MATN2: variants seen among roughly 807,000 people sequenced by gnomAD.
The protein encoded by MATN2 is matrilin 2, also known as matrilin-2.
MATN2 carries 69 observed loss-of-function variants against 103.2 expected under a neutral mutation model. That is an observed-to-expected ratio of 0.67 (90% CI 0.55 to 0.82). The LOEUF is 0.82. MATN2 is among the 40% of genes least tolerant of loss of function. The pLI is 0.00. For missense variants in MATN2, 1,023 were observed against 1,211.5 expected (o/e 0.84, Z 2.31); for synonymous variants, 429 against 450.2 (o/e 0.95, Z 0.60).
At chr8:97,878,109 G>A (rs1242436730) in intron 1 of MATN2, among the ~76,000 whole-genome samples, 1 of 152,018 alleles carries the variant, frequency 6.6e-6, no homozygotes, top group Non-Finnish European at 1.5e-5. Flanking sequence ...AATGAAAAAA[G>A]CAGTTTTTTC....
chr8:98,001,602 T>C (rs1193360947), intron 7 of MATN2, among the ~76,000 whole-genome samples: 1 of 151,974 alleles, frequency 6.6e-6, no homozygotes, highest in Admixed American at 6.6e-5. Context: ...GTAGCTGGGA[T>C]TGCAGACGCA....
chr8:98,010,248 G>A (rs1159987022), intron 10 of MATN2, among the ~76,000 whole-genome samples: 1 of 151,972 alleles, frequency 6.6e-6, no homozygotes, highest in Admixed American at 6.6e-5. Flanking sequence ...CACCTGATAG[G>A]CTCTCCTCTC....
chr8:97,881,693 T>G (rs903474923), intron 1 of MATN2, among the ~76,000 whole-genome samples: 4 of 152,194 alleles, frequency 2.6e-5, no homozygotes, highest in African/African-American at 9.7e-5. Context: ...CATTCCATTT[T>G]CCAGTTAGAA....
At position 97,916,139 on chromosome 8, in the gene MATN2, G is replaced by A. The variant is rs187293168; in HGVS notation, c.143-14814G>A. Among the ~76,000 whole-genome samples, 390 of 151,384 alleles carry A rather than the reference G, an allele frequency of 2.6e-3. 2 individuals are homozygous for A. The highest frequency in any genetic ancestry group is 8.6e-3 in the Admixed American group (131 of 15,164). The stretch of plus-strand genomic sequence containing the variant: ...GGCTGGAGTGTAGTGGCGCAATCTC[G>A]GCTCACTGCAACCTCCACCTCCTGG... On this transcript the variant is annotated intron_variant, in intron 2 of 18. Coordinates refer to ENST00000254898, the MANE Select transcript of MATN2 (RefSeq NM_002380.5).
chr8:97,880,083 CTTTTTT>C (rs5893432), intron 1 of MATN2, among the ~76,000 whole-genome samples: 1 of 108,668 alleles, frequency 9.2e-6, no homozygotes. Flanking sequence ...ATCTTTCTTT[CTTTTTT>C]TTTTTTTTTT....
At chr8:97,882,732 G>C (rs950458920) in intron 1 of MATN2, among the ~76,000 whole-genome samples, 1 of 152,004 alleles carries the variant, frequency 6.6e-6, no homozygotes, top group Non-Finnish European at 1.5e-5. Context: ...CCAACACTTG[G>C]TTACGTCAGT....
chr8:98,027,426 A>T lies in MATN2; in HGVS notation c.1953A>T (p.Glu651Asp). 1.2e-6 allele frequency: 2 copies of T among 1,602,988 alleles called. No individual in the cohort carries two copies. Among genetic ancestry groups the T allele is most frequent in the Non-Finnish European group, 1.7e-6 (2 of 1,171,260 alleles). Residue 651 changes from glutamate to aspartate, a missense_variant, in exon 14 of 19, where the codon GAA (glutamate) becomes GAT (aspartate). Physicochemically the swap from Glu to Asp is conservative, Grantham distance 45. Transcript: ENST00000254898. The stretch of plus-strand genomic sequence containing the variant: ...CTTCTGTTCATATAGAATGCACTGA[A>T]GGCCCAATTGACCTGGTCTTTGTGA... Reference protein sequence around the residue: ...EDGRRCKKCTEGPIDLVFVID... With the variant: ...EDGRRCKKCTDGPIDLVFVID...
At chr8:97,961,654 A>G in intron 5 of MATN2, 124 bp downstream of exon 5, 1 of 1,147,614 alleles carries the variant, frequency 8.7e-7, no homozygotes. Context: ...CAAAGTGCTC[A>G]GTTGTTTGGT....
At chr8:98,033,484 C>A in intron 17 of MATN2, 77 bp from the exon 18 acceptor site, 1 of 768,164 alleles carries the variant, frequency 1.3e-6, no homozygotes, top group Non-Finnish European at 2.1e-6. Flanking sequence ...CCTCCATATG[C>A]TGATTCATTC....
chr8:97,892,274 G>T (rs1192146927), intron 2 of MATN2, among the ~76,000 whole-genome samples: 1 of 151,120 alleles, frequency 6.6e-6, no homozygotes, highest in African/African-American at 2.4e-5. Context: ...TTAGCCGGGT[G>T]TGGTGGTACA....
chr8:97,957,081 C>T (rs1052898723), intron 4 of MATN2, among the ~76,000 whole-genome samples: 2 of 152,190 alleles, frequency 1.3e-5, no homozygotes, highest in African/African-American at 2.4e-5. Context: ...AATGCTAGAG[C>T]GGAGCCATGT....
intron 5 of MATN2, among the ~76,000 whole-genome samples, chr8:97,969,973 A>G (rs1195748438): frequency 6.6e-6 from 1 of 152,232 alleles, no homozygotes; most frequent in East Asian, 1.9e-4. Context: ...GGCAAGTCCC[A>G]AAGTGGAGCT....
rs915278039 is a variant in MATN2, at chr8:97,871,763, G to A, written c.-27+2476G>A. Among the ~76,000 whole-genome samples, 5 of 152,300 alleles carry A rather than the reference G, an allele frequency of 3.3e-5. 1 individual carries two copies. The highest frequency in any genetic ancestry group is 4.1e-4 in the South Asian group (2 of 4,826). On this transcript the variant is annotated intron_variant, in intron 1 of 18. Coordinates refer to ENST00000254898, the MANE Select transcript of MATN2 (RefSeq NM_002380.5). ...ATCCTTGAACCCTGCCATGTGGCTC[G>A]GCAGACAGCCAATACTGCCTGAAGG...
At chr8:97,948,496 G>T (rs1270802427) in intron 4 of MATN2, among the ~76,000 whole-genome samples, 1 of 152,204 alleles carries the variant, frequency 6.6e-6, no homozygotes, top group Non-Finnish European at 1.5e-5. Context: ...GTATAAAGAT[G>T]AACATATAGA....
intron 2 of MATN2, among the ~76,000 whole-genome samples, chr8:97,915,136 G>A (rs1245311134): frequency 2.6e-5 from 4 of 152,102 alleles, no homozygotes; most frequent in Admixed American, 6.5e-5. Context: ...ACAGGCGCAC[G>A]CCATCATGCT....
chr8:97,881,843 A>C (rs373861689), intron 1 of MATN2, among the ~76,000 whole-genome samples: 18 of 151,534 alleles, frequency 1.2e-4, no homozygotes, highest in Non-Finnish European at 4.4e-5. Flanking sequence ...CTTGTCTGGT[A>C]CTGATATTGC....
intron 2 of MATN2, among the ~76,000 whole-genome samples, chr8:97,917,253 C>G (rs535871648): frequency 6.6e-6 from 1 of 152,184 alleles, no homozygotes; most frequent in African/African-American, 2.4e-5. Context: ...GAATCCATCC[C>G]GAAAGCATCT....
At chr8:97,969,471 C>T (rs141503121) in intron 5 of MATN2, among the ~76,000 whole-genome samples, 61 of 152,296 alleles carry the variant, frequency 4.0e-4, no homozygotes, top group African/African-American at 1.4e-3. Flanking sequence ...ATTATTACAA[C>T]ACCTACTATT....
At chr8:98,019,221 A>G (rs1813490611) in intron 12 of MATN2, among the ~76,000 whole-genome samples, 1 of 151,972 alleles carries the variant, frequency 6.6e-6, no homozygotes, top group South Asian at 2.1e-4. Flanking sequence ...ACATACACAC[A>G]CACACACACA....
Sources: gnomAD v4.1 joint callset for allele counts (sites outside exome capture counted in the v4.1 genomes callset) on GRCh38, gnomAD v4.1.1 for gene constraint, MANE v1.5 for transcripts, NCBI Gene and HGNC (gene_info 2026-07-23, HGNC 2026-07-21) for gene names.